CHRM3: variants seen among roughly 807,000 people sequenced by gnomAD.
The protein encoded by CHRM3 is muscarinic acetylcholine receptor M3.
CHRM3 carries 11 observed loss-of-function variants against 41.8 expected under a neutral mutation model. That is an observed-to-expected ratio of 0.26 (90% confidence interval 0.17 to 0.44). The LOEUF (loss-of-function observed/expected upper bound fraction) is 0.44. CHRM3 is among the 20% of genes least tolerant of loss of function. The probability of loss-of-function intolerance (pLI) is 1.00; values close to 1 mark genes in which losing one functional copy is unlikely to be tolerated. For synonymous variants in CHRM3, 297 were observed against 301.4 expected (o/e 0.99, Z 0.15); for missense variants, 571 against 745.4 (o/e 0.77, Z 2.72).
chr1:239,863,541 C>G (rs932013677), intron 6 of CHRM3, among the ~76,000 whole-genome samples: 2 of 152,212 alleles, frequency 1.3e-5, no homozygotes, highest in Middle Eastern at 3.2e-3. Flanking sequence ...CCTATCTAAT[C>G]AGCAGACACC....
At chr1:239,576,853 A>G (rs1662415240) in intron 3 of CHRM3, among the ~76,000 whole-genome samples, 1 of 152,050 alleles carries the variant, frequency 6.6e-6, no homozygotes, top group African/African-American at 2.4e-5. Context: ...GTTTCATCAG[A>G]GTAAAGAAAC....
intron 1 of CHRM3, among the ~76,000 whole-genome samples, chr1:239,449,548 G>A (rs914688614): frequency 5.3e-5 from 8 of 152,152 alleles, no homozygotes; most frequent in Admixed American, 3.9e-4. Flanking sequence ...AGTTGATCTA[G>A]ATAGCAACTT....
At chr1:239,519,901 C>G (rs375963420) in intron 2 of CHRM3, among the ~76,000 whole-genome samples, 14 of 152,044 alleles carry the variant, frequency 9.2e-5, no homozygotes, top group African/African-American at 3.1e-4. Context: ...GCACCCGCCA[C>G]CACACCCCGC....
chr1:239,649,563 TA>T (rs921079829), intron 4 of CHRM3, among the ~76,000 whole-genome samples: 1 of 152,114 alleles, frequency 6.6e-6, no homozygotes, highest in Admixed American at 6.5e-5. Context: ...CATTGTATGA[TA>T]GTGGCTGTGG....
Position 239,622,836 on chromosome 1 carries a change from A to G in CHRM3, c.-312-9388A>G, listed in dbSNP as rs151060516. On this transcript the variant is annotated intron_variant, in intron 3 of 6. Transcript: ENST00000676153. ...TTGGTTCCAATTTTTAAAAAGTTCT[A>G]CTGTGGACAAAATGCTGTCAAACAG... Among the ~76,000 whole-genome samples the G allele has an allele frequency of 5.6e-3, 849 of 152,314 alleles. 12 individuals are homozygous for G. Among genetic ancestry groups the G allele is most frequent in the African/African-American group, 0.019 (809 of 41,562 alleles).
rs115121712 is a variant in CHRM3, at chr1:239,700,514, C to T, written c.-147+22226C>T. ...ATCATGAAGAACAAATCTAATTCCA[C>T]TTTCACTTGATAACCCCTCAGAACT... is the stretch of plus-strand genomic sequence containing the variant. On this transcript the variant is annotated intron_variant, in intron 5 of 6. Coordinates refer to ENST00000676153, the MANE Select transcript of CHRM3 (RefSeq NM_001375978.1). Among the ~76,000 whole-genome samples the T allele has an allele frequency of 4.0e-3, 608 of 152,292 alleles. 6 individuals carry two copies. Among genetic ancestry groups the T allele is most frequent in the African/African-American group, 0.014 (585 of 41,562 alleles).
At chr1:239,480,878 A>G (rs1666808688) in intron 1 of CHRM3, among the ~76,000 whole-genome samples, 1 of 152,124 alleles carries the variant, frequency 6.6e-6, no homozygotes, top group African/African-American at 2.4e-5. Flanking sequence ...ATATTATAAC[A>G]AACCAAGGCT....
intron 2 of CHRM3, among the ~76,000 whole-genome samples, chr1:239,505,946 T>C (rs116024846): frequency 0.013 from 1,965 of 152,274 alleles, 35 homozygotes; most frequent in South Asian, 0.038. Flanking sequence ...AAGAGATTGG[T>C]GGCATTTTTC....
At chr1:239,461,332 A>G (rs1665344223) in intron 1 of CHRM3, among the ~76,000 whole-genome samples, 1 of 152,174 alleles carries the variant, frequency 6.6e-6, no homozygotes, top group African/African-American at 2.4e-5. Flanking sequence ...GTAGATATCA[A>G]CTGCTGCAGT....
intron 6 of CHRM3, among the ~76,000 whole-genome samples, chr1:239,846,961 A>C (rs1228793017): frequency 6.6e-6 from 1 of 152,198 alleles, no homozygotes; most frequent in Non-Finnish European, 1.5e-5. Context: ...AAGCTTCAGT[A>C]ATAGGGATTT....
At chr1:239,767,217 C>G (rs181728049) in intron 5 of CHRM3, among the ~76,000 whole-genome samples, 1 of 152,022 alleles carries the variant, frequency 6.6e-6, no homozygotes, top group Non-Finnish European at 1.5e-5. Context: ...TAAATGGATA[C>G]TGTTTATACA....
At chr1:239,523,654 C>T (rs1669800405) in intron 2 of CHRM3, among the ~76,000 whole-genome samples, 1 of 152,040 alleles carries the variant, frequency 6.6e-6, no homozygotes, top group Non-Finnish European at 1.5e-5. Flanking sequence ...TTCATTTTCA[C>T]AACAGAACCA....
At chr1:239,428,192 G>C (rs1385421623) in intron 1 of CHRM3, among the ~76,000 whole-genome samples, 1 of 152,188 alleles carries the variant, frequency 6.6e-6, no homozygotes, top group African/African-American at 2.4e-5. Flanking sequence ...AGGAAGGGAG[G>C]CAGTGACAAT....
intron 5 of CHRM3, among the ~76,000 whole-genome samples, chr1:239,701,497 T>A (rs1558467837): frequency 1.3e-5 from 2 of 152,188 alleles, no homozygotes; most frequent in Non-Finnish European, 2.9e-5. Flanking sequence ...ACTGTCAAGT[T>A]CTCCTCCTTG....
intron 6 of CHRM3, among the ~76,000 whole-genome samples, chr1:239,873,233 G>A (rs554787831): frequency 3.5e-4 from 53 of 152,250 alleles, no homozygotes; most frequent in Middle Eastern, 6.8e-3. Context: ...CCTTTGGCAG[G>A]TCACTTGTCC....
chr1:239,861,780 C>A (rs766613757), intron 6 of CHRM3, among the ~76,000 whole-genome samples: 35 of 152,132 alleles, frequency 2.3e-4, no homozygotes, highest in Non-Finnish European at 5.1e-4. Context: ...TCCAGGGTTC[C>A]ATTTTGTTTT....
chr1:239,435,472 AAAG>A (rs1271020311), intron 1 of CHRM3, among the ~76,000 whole-genome samples: 25 of 151,894 alleles, frequency 1.6e-4, no homozygotes, highest in African/African-American at 6.0e-4. Context: ...AAAAAAAAAA[AAAG>A]AAGAAAAAAT....
chr1:239,484,851 G>A lies in CHRM3; in HGVS notation c.-520-7858G>A, dbSNP rs1667087848. Among the ~76,000 whole-genome samples, 5 of 152,114 alleles carry A rather than the reference G, an allele frequency of 3.3e-5. No individual in the cohort carries two copies. The South Asian group carries it at 1.0e-3, about 32-fold the overall frequency. On this transcript the variant is annotated intron_variant, in intron 1 of 6. Coordinates refer to ENST00000676153, the MANE Select transcript of CHRM3 (RefSeq NM_001375978.1). ...TTCTATCCTTGGGCAGCTGTGCTCT[G>A]AGGAAGCAAGGGGAAAGTTGAAAGG...
intron 6 of CHRM3, among the ~76,000 whole-genome samples, chr1:239,867,455 C>T (rs879830718): frequency 2.0e-5 from 3 of 152,172 alleles, no homozygotes; most frequent in South Asian, 2.1e-4. Flanking sequence ...TGGGAAGCCG[C>T]GGCGGGCAGA....
Sources: allele counts gnomAD v4.1 joint callset (sites outside exome capture counted in the v4.1 genomes callset), GRCh38; gene constraint gnomAD v4.1.1; transcripts MANE v1.5; gene names NCBI Gene and HGNC (gene_info 2026-07-23, HGNC 2026-07-21).